Variants in SIM2 observed in about 807,000 individuals in gnomAD.
SIM2 encodes SIM bHLH transcription factor 2, also known as single-minded homolog 2.
Under a neutral mutation model 64.8 loss-of-function variants are expected in SIM2, and 28 were observed. The ratio of observed to expected loss-of-function variants is 0.43; its 90% CI spans 0.32 to 0.59. SIM2 has a LOEUF of 0.59. Among genes scored for constraint, SIM2 ranks in the 20% least tolerant of loss-of-function variants. The pLI is 0.07. For missense variants in SIM2, 847 were observed against 871.4 expected (o/e 0.97, Z 0.35); for synonymous variants, 408 against 391.1 (o/e 1.04, Z -0.51).
chr21:36,747,700 A>C lies in SIM2; in HGVS notation c.1612A>C (p.Thr538Pro). 7.8e-7 allele frequency: 1 copy of C among 1,283,470 alleles called. No homozygotes were observed. The highest frequency in any genetic ancestry group is 9.9e-7 in the Non-Finnish European group (1 of 1,013,108). The allele number at this position is 1,283,470 out of a possible 1,614,324, so 79.5% of individuals were successfully genotyped here. A position where few individuals can be genotyped will look rare whatever the true frequency, so the allele number is the denominator to read the frequency against. Residue 538 changes from threonine (T) to proline (P), a missense_variant, in exon 11 of 11, where the codon ACC (threonine) becomes CCC (proline). Coordinates refer to ENST00000290399, the MANE Select transcript of SIM2 (RefSeq NM_005069.6). This position sits in a 1 kb window ranked among gnomAD's most constrained non-coding sequence, Gnocchi z 4.5. ...CGCCGTGCGCAGGTTCGGCGAGGAC[A>C]CCGCGCCCCCGAGCTTCCCGAGCTG... ...AAAVRRFGEDTAPPSFPSCGH... is the reference protein window; with the variant it reads ...AAAVRRFGEDPAPPSFPSCGH...
In SIM2 at chr21:36,747,802, G is replaced by T; in HGVS notation, c.1714G>T (p.Ala572Ser). The change falls in exon 11 of 11, where the codon GCG (alanine) becomes TCG (serine). Residue 572 changes from alanine to serine, a missense_variant. By Grantham distance (99) the Ala-to-Ser change is moderately conservative. Around this residue, in one of 3 missense-constraint regions of SIM2, gnomAD observed 447 missense variants for 414.6 expected, o/e 1.08. Coordinates refer to ENST00000290399, the MANE Select transcript of SIM2 (RefSeq NM_005069.6). This position sits in a 1 kb window ranked among gnomAD's most constrained non-coding sequence, Gnocchi z 4.5. ...GGCCGCCCGGGACGGGGCGCGGCTG[G>T]CGCTGGCCCGCGCGGCACCCGAGTG... ...RQAARDGARL[A>S]LARAAPECCA... 1 of 1,038,084 alleles carries T rather than the reference G, an allele frequency of 9.6e-7. No homozygotes were observed. Among genetic ancestry groups the T allele is most frequent in the Non-Finnish European group, 1.2e-6 (1 of 867,718 alleles). The allele number at this position is 1,038,084 out of a possible 1,614,324, so 64.3% of individuals were successfully genotyped here. A position where few individuals can be genotyped will look rare whatever the true frequency, so the allele number is the denominator to read the frequency against.
In SIM2 at chr21:36,745,178, A is replaced by G. The variant is rs1426788079; in HGVS notation, c.1576+42A>G. 1.9e-6 allele frequency: 3 copies of G among 1,574,012 alleles called. No individual in the cohort carries two copies. The African/African-American group carries it at 4.0e-5, about 21-fold the overall frequency. ...CGTGGGGAAGGTGGGAGGACTGCGC[A>G]CGGCCGGGAGCCGAAGCAGCCATGG... On this transcript the variant is annotated intron_variant, in intron 10 of 10. Transcript: ENST00000290399. The surrounding 1 kb of genome is among the most constrained non-coding windows in gnomAD (Gnocchi z 4.8).
At chr21:36,707,597 CT>C (rs763808430) in intron 1 of SIM2, among the ~76,000 whole-genome samples, 125 of 145,816 alleles carry the variant, frequency 8.6e-4, no homozygotes, top group Middle Eastern at 3.6e-3. Context: ...TTTTTTTTAA[CT>C]TTTTTTTTTT....
At chr21:36,717,612 T>A (rs2088765166) in intron 3 of SIM2, among the ~76,000 whole-genome samples, 1 of 152,084 alleles carries the variant, frequency 6.6e-6, no homozygotes, top group South Asian at 2.1e-4. Flanking sequence ...CACGCCCGGC[T>A]AATTTTTGTA....
At chr21:36,735,531 C>G (rs975650177) in intron 7 of SIM2, among the ~76,000 whole-genome samples, 2 of 151,778 alleles carry the variant, frequency 1.3e-5, no homozygotes, top group Non-Finnish European at 2.9e-5. Flanking sequence ...CCCCCACACT[C>G]TCCAGCTCTG....
At chr21:36,712,338 C>G (rs1029174644) in intron 2 of SIM2, among the ~76,000 whole-genome samples, 195 bp from the exon 3 acceptor site, 8 of 152,188 alleles carry the variant, frequency 5.3e-5, no homozygotes, top group African/African-American at 1.4e-4. Context: ...CATTTCAGAG[C>G]CTGGCCTGGG....
Position 36,731,133 on chromosome 21 carries a change from C to A in SIM2, c.832C>A (p.Arg278Ser), listed in dbSNP as rs368622558. The change falls in exon 7 of 11, where the codon CGC becomes AGC. Residue 278 changes from arginine to serine, a missense_variant. Coordinates refer to ENST00000290399, the MANE Select transcript of SIM2 (RefSeq NM_005069.6). ...HVHGCDVFHL[R>S]YAHHLLLVKG... is the part of the protein sequence containing the mutation. ...GCACGGCTGCGACGTGTTCCACCTC[C>A]GCTACGCACACCACCTCCGTGAGTA... 1 of 1,613,672 alleles carries A rather than the reference C, an allele frequency of 6.2e-7. No individual in the cohort carries two copies. The highest frequency in any genetic ancestry group is 1.3e-5 in the African/African-American group (1 of 74,932).
In SIM2 at chr21:36,726,039, T is replaced by G. The variant is rs1484897772; in HGVS notation, c.544-80T>G. 4.2e-6 allele frequency: 5 copies of G among 1,180,512 alleles called. No individual in the cohort carries two copies. Among genetic ancestry groups the G allele is most frequent in the Non-Finnish European group, 5.0e-6 (4 of 803,548 alleles). 73.1% of individuals were successfully genotyped at this position (1,180,512 alleles called of 1,614,324 possible). Reference sequence around the variant, plus strand: ...CTGGGCTGGGAGATATTCTAGCATGTTTGAGAAAATGAGCCAGGAGGAGTG... The same window carrying G: ...CTGGGCTGGGAGATATTCTAGCATGGTTGAGAAAATGAGCCAGGAGGAGTG... On this transcript the variant is annotated intron_variant, in intron 5 of 10. Coordinates refer to ENST00000290399, the MANE Select transcript of SIM2 (RefSeq NM_005069.6). The surrounding 1 kb of genome is among the most constrained non-coding windows in gnomAD (Gnocchi z 4.5).
At chr21:36,740,015 GAA>G (rs1248418079) in intron 7 of SIM2, among the ~76,000 whole-genome samples, 1 of 35,884 alleles carries the variant, frequency 2.8e-5, no homozygotes, top group South Asian at 1.4e-3. Context: ...AAGAGAGAAA[GAA>G]AGAAAGAAAG....
Position 36,745,732 on chromosome 21 carries a change from G to A in SIM2, c.1576+596G>A. The A allele has an allele frequency of 2.3e-6, 3 of 1,287,264 alleles. No homozygotes were observed. The highest frequency in any genetic ancestry group is 3.1e-6 in the Non-Finnish European group (3 of 975,522). 79.7% of individuals were successfully genotyped at this position (1,287,264 alleles called of 1,614,324 possible). A position where few individuals can be genotyped will look rare whatever the true frequency, so the allele number is the denominator to read the frequency against. ...TCCCAAGGACACGACACACAGTAGG[G>A]ACCTGCCCTGTACATGCTAGTTCAA... On this transcript the variant is annotated intron_variant, in intron 10 of 10. Transcript: ENST00000290399. The surrounding 1 kb of genome is among the most constrained non-coding windows in gnomAD (Gnocchi z 4.8).
chr21:36,717,593 G>A (rs1435690588), intron 3 of SIM2, among the ~76,000 whole-genome samples: 4 of 151,808 alleles, frequency 2.6e-5, no homozygotes, highest in South Asian at 2.1e-4. Flanking sequence ...GATCACAGCC[G>A]CATGCCACCA....
chr21:36,740,044 AAAGAAAGAAAG>A, intron 7 of SIM2, among the ~76,000 whole-genome samples: 1 of 147,502 alleles, frequency 6.8e-6, no homozygotes, highest in East Asian at 2.0e-4. Flanking sequence ...AGAAAGAAAG[AAAGAAAGAAAG>A]AAAGAGAAAA....
chr21:36,704,126 T>G (rs1303144682), intron 1 of SIM2, among the ~76,000 whole-genome samples: 1 of 152,264 alleles, frequency 6.6e-6, no homozygotes, highest in Non-Finnish European at 1.5e-5. Context: ...GTTCAAGGTC[T>G]GAACTCTTCC....
At chr21:36,725,552 A>C (rs1263345203) in intron 5 of SIM2, among the ~76,000 whole-genome samples, 1 of 152,196 alleles carries the variant, frequency 6.6e-6, no homozygotes, top group African/African-American at 2.4e-5. Flanking sequence ...TCTCCATCAT[A>C]TATGACAGGG....
At position 36,709,267 on chromosome 21, in the gene SIM2, G is replaced by T; in HGVS notation, c.258+17G>T. 1 of 1,577,552 alleles carries T rather than the reference G, an allele frequency of 6.3e-7. No individual in the cohort carries two copies. The highest frequency in any genetic ancestry group is 1.1e-5 in the South Asian group (1 of 87,040). Reference sequence around the variant, plus strand: ...TTGCTGCAGGTAGAGCGGCCTCGCCGGGGGAGGAGCGCAGCCGCCGCAGGC... The same window carrying T: ...TTGCTGCAGGTAGAGCGGCCTCGCCTGGGGAGGAGCGCAGCCGCCGCAGGC... On this transcript the variant is annotated intron_variant, in intron 2 of 10. Coordinates refer to ENST00000290399, the MANE Select transcript of SIM2 (RefSeq NM_005069.6).
intron 7 of SIM2, among the ~76,000 whole-genome samples, chr21:36,738,703 T>C (rs1350014277): frequency 2.0e-5 from 3 of 152,234 alleles, no homozygotes; most frequent in African/African-American, 7.2e-5. Flanking sequence ...ACTGTTGTAG[T>C]GGGGGTAGAA....
chr21:36,715,212 C>G (rs2088730742), intron 3 of SIM2, among the ~76,000 whole-genome samples: 1 of 152,142 alleles, frequency 6.6e-6, no homozygotes, highest in Non-Finnish European at 1.5e-5. Context: ...TAAGCAACAA[C>G]TTTTCTCTCA....
rs1568919427 is a variant in SIM2, at chr21:36,699,599, C to A, written c.-148C>A. The A allele has an allele frequency of 1.3e-6, 1 of 784,454 alleles. No individual in the cohort carries two copies. The highest frequency in any genetic ancestry group is 3.5e-5 in the East Asian group (1 of 28,308). 48.6% of individuals were successfully genotyped at this position (784,454 alleles called of 1,614,324 possible). A position where few individuals can be genotyped will look rare whatever the true frequency, so the allele number is the denominator to read the frequency against. ...GCTGCGGGGAGGCGTCTCGGAACCC[C>A]GGGAGGCCCCCCGCACCTGCCCGCG... is the stretch of plus-strand genomic sequence containing the variant. On this transcript the variant is annotated 5_prime_UTR_variant, in exon 1 of 11. Coordinates refer to ENST00000290399, the MANE Select transcript of SIM2 (RefSeq NM_005069.6). The surrounding 1 kb of genome is among the most constrained non-coding windows in gnomAD (Gnocchi z 5.6).
Position 36,699,632 on chromosome 21 carries a change from C to A in SIM2, c.-115C>A. 1 of 1,239,318 alleles carries A rather than the reference C, an allele frequency of 8.1e-7. No individual in the cohort carries two copies. The highest frequency in any genetic ancestry group is 1.1e-6 in the Non-Finnish European group (1 of 921,228). 76.8% of individuals were successfully genotyped at this position (1,239,318 alleles called of 1,614,324 possible). ...CCCCCGCACCTGCCCGCGGCCCACT[C>A]CGCGGACTCACCTGGCTCCCGGCTC... On this transcript the variant is annotated 5_prime_UTR_variant, in exon 1 of 11. Transcript: ENST00000290399. The surrounding 1 kb of genome is among the most constrained non-coding windows in gnomAD (Gnocchi z 5.6).
Sources: gnomAD v4.1 joint callset for allele counts (sites outside exome capture counted in the v4.1 genomes callset) on GRCh38, gnomAD v4.1.1 for gene constraint, gnomAD v4.1.1 regional missense constraint, Gnocchi (gnomAD v3.1) non-coding constraint, MANE v1.5 for transcripts, NCBI Gene and HGNC (gene_info 2026-07-23, HGNC 2026-07-21) for gene names.